The following MTMR8 variants were observed in gnomAD, a reference collection of about 807,000 sequenced individuals.
MTMR8 encodes phosphatidylinositol-3,5-bisphosphate 3-phosphatase MTMR8.
MTMR8 carries 65 observed loss-of-function variants against 39.3 expected under a neutral mutation model. The ratio of observed to expected loss-of-function variants is 1.65; its 90% CI spans 1.35 to 2.03. The LOEUF is 2.03. Ranked by LOEUF, MTMR8 falls within the 30% of genes most tolerant of loss-of-function variation. The probability of loss-of-function intolerance (pLI) is 0.00; values close to 1 mark genes in which losing one functional copy is unlikely to be tolerated. For missense variants in MTMR8, 777 were observed against 538.9 expected (o/e 1.44, Z -4.37); for synonymous variants, 245 against 185.2 (o/e 1.32, Z -2.62).
chrX:64,386,954 G>C (rs986426787), intron 1 of MTMR8, among the ~76,000 whole-genome samples: 1 of 110,908 alleles, frequency 9.0e-6, no homozygotes, highest in Middle Eastern at 4.2e-3. Context: ...TCAGAAGGCT[G>C]TGGTGGGAAG....
chrX:64,268,548 T>C lies in MTMR8; in HGVS notation c.2104A>G (p.Lys702Glu), dbSNP rs1356339207. The change falls in exon 14 of 14, where the codon AAG (lysine) becomes GAG (glutamate). Residue 702 changes from lysine (K) to glutamate (E), a missense_variant. Transcript: ENST00000374852. ...GATGAGTAACTAACTCACTGATGCT[T>C]GGAGTAGTCTGCCTCCTTGGTGCTG... The part of the protein sequence containing the change: ...KASTKEADYS[K>E]HQ The C allele has an allele frequency of 8.3e-7, 1 of 1,204,576 alleles. No homozygotes were observed.
At position 64,337,330 on chromosome X, in the gene MTMR8, G is replaced by T. The variant is rs748698042; in HGVS notation, c.1039C>A (p.Gln347Lys). 2 of 1,208,738 alleles carry T rather than the reference G, an allele frequency of 1.7e-6. No homozygotes were observed. The highest frequency in any genetic ancestry group is 3.5e-5 in the African/African-American group (2 of 57,649). The change falls in exon 9 of 14, where the codon CAA becomes AAA. Residue 347 changes from glutamine to lysine, a missense_variant. Coordinates refer to ENST00000374852, the MANE Select transcript of MTMR8 (RefSeq NM_017677.4). ...HCSDGWDRTAQVCSVASILLD... is the reference protein window; with the variant it reads ...HCSDGWDRTAKVCSVASILLD... The stretch of plus-strand genomic sequence containing the variant: ...AGGATGCTAGCCACTGAGCAGACTT[G>T]TGCTGTGCGGTCCCATCCATCAGAA...
intron 12 of MTMR8, 122 bp downstream of exon 12, chrX:64,328,650 G>A (rs1922860499): frequency 1.5e-6 from 1 of 667,016 alleles, no homozygotes; most frequent in Admixed American, 4.8e-5. Flanking sequence ...GGTGATATGA[G>A]GACAGAGTAT....
intron 12 of MTMR8, 44 bp downstream of exon 12, chrX:64,328,728 C>T: frequency 5.4e-6 from 6 of 1,119,309 alleles, no homozygotes; most frequent in Non-Finnish European, 7.0e-6. Context: ...AGCTGAGACC[C>T]TGGGACCTGC....
At chrX:64,390,306 G>A (rs975824636) in intron 1 of MTMR8, among the ~76,000 whole-genome samples, 1 of 111,985 alleles carries the variant, frequency 8.9e-6, no homozygotes, top group African/African-American at 3.2e-5. Flanking sequence ...GTACTACAAA[G>A]TGTTACAAAG....
At chrX:64,359,044 C>T (rs373008557) in intron 2 of MTMR8, among the ~76,000 whole-genome samples, 76 of 111,040 alleles carry the variant, frequency 6.8e-4, no homozygotes, top group Middle Eastern at 4.7e-3. Flanking sequence ...AGTTCCCATA[C>T]GCTACAGATG....
intron 12 of MTMR8, among the ~76,000 whole-genome samples, chrX:64,286,030 T>A (rs1921159170): frequency 9.0e-6 from 1 of 110,649 alleles, no homozygotes; most frequent in South Asian, 3.9e-4. Context: ...AATCAATGAA[T>A]CCAGGAACTG....
At chrX:64,358,122 C>A (rs1021504012) in intron 2 of MTMR8, among the ~76,000 whole-genome samples, 2 of 111,800 alleles carry the variant, frequency 1.8e-5, no homozygotes, top group Non-Finnish European at 1.9e-5. Flanking sequence ...CGGCACAGTA[C>A]TAAAGAACTG....
At chrX:64,349,915 A>G in intron 5 of MTMR8, 27 bp downstream of exon 5, 1 of 1,097,046 alleles carries the variant, frequency 9.1e-7, no homozygotes, top group Non-Finnish European at 1.2e-6. Context: ...ATGTTTAATT[A>G]TCATTAGAGA....
intron 12 of MTMR8, among the ~76,000 whole-genome samples, chrX:64,318,489 T>C (rs924704378): frequency 9.0e-6 from 1 of 111,335 alleles, no homozygotes; most frequent in Non-Finnish European, 1.9e-5. Context: ...GTCTGGGTTA[T>C]ATGAGGCAAA....
At chrX:64,325,188 C>G (rs983419341) in intron 12 of MTMR8, among the ~76,000 whole-genome samples, 7 of 111,588 alleles carry the variant, frequency 6.3e-5, no homozygotes, top group Admixed American at 1.9e-4. Flanking sequence ...AAAGAAAAGC[C>G]CAGGACTTGA....
At chrX:64,305,758 G>A (rs1602121039) in intron 12 of MTMR8, 1 of 433,638 alleles carries the variant, frequency 2.3e-6, no homozygotes, top group South Asian at 3.1e-5. Context: ...AGAACACAAA[G>A]AGCTGAAAGC....
chrX:64,331,334 T>G, intron 11 of MTMR8: 2 of 405,746 alleles, frequency 4.9e-6, no homozygotes, highest in Admixed American at 4.2e-5. Context: ...TCATGACTGC[T>G]CTAAAAAGTA....
At chrX:64,350,785 G>A in intron 4 of MTMR8, among the ~76,000 whole-genome samples, 1 of 111,118 alleles carries the variant, frequency 9.0e-6, no homozygotes, top group Non-Finnish European at 1.9e-5. Flanking sequence ...ATTTTCTCAA[G>A]TTTATCAGCT....
At chrX:64,300,922 T>C (rs1290554641) in intron 12 of MTMR8, among the ~76,000 whole-genome samples, 1 of 110,943 alleles carries the variant, frequency 9.0e-6, no homozygotes, top group Non-Finnish European at 1.9e-5. Context: ...TCTTGTGGCT[T>C]GTAGGGTTTC....
At chrX:64,348,483 G>A (rs1923400040) in intron 6 of MTMR8, among the ~76,000 whole-genome samples, 177 bp downstream of exon 6, 1 of 111,678 alleles carries the variant, frequency 9.0e-6, no homozygotes, top group African/African-American at 3.3e-5. Context: ...TCACTTGACA[G>A]TGGCAACCTT....
chrX:64,283,638 C>G (rs762120794), intron 12 of MTMR8, among the ~76,000 whole-genome samples: 3 of 112,233 alleles, frequency 2.7e-5, no homozygotes, highest in Non-Finnish European at 5.6e-5. Flanking sequence ...TCCAGAGGAA[C>G]GATCATACAG....
chrX:64,364,780 A>T (rs1008657972), intron 1 of MTMR8, among the ~76,000 whole-genome samples: 1 of 112,168 alleles, frequency 8.9e-6, no homozygotes, highest in Non-Finnish European at 1.9e-5. Flanking sequence ...AGCTGACAGA[A>T]GTAGGCATCA....
intron 1 of MTMR8, among the ~76,000 whole-genome samples, chrX:64,369,744 C>T (rs1432254142): frequency 9.0e-6 from 1 of 110,655 alleles, no homozygotes; most frequent in African/African-American, 3.3e-5. Context: ...CCACATGTAC[C>T]CTAGAACTTA....
Sources: gnomAD v4.1 joint callset for allele counts (sites outside exome capture counted in the v4.1 genomes callset) on GRCh38, gnomAD v4.1.1 for gene constraint, MANE v1.5 for transcripts, NCBI Gene and HGNC (gene_info 2026-07-23, HGNC 2026-07-21) for gene names.